The following SEC22A variants were observed in gnomAD, a reference collection of about 807,000 sequenced individuals.
SEC22A encodes SEC22 homolog A, vesicle trafficking protein.
A neutral mutation model predicts 35.3 loss-of-function variants in SEC22A; 22 were observed. The observed-to-expected ratio is 0.62, with a 90% CI of 0.45 to 0.89. SEC22A has a LOEUF of 0.89. SEC22A is among the 40% of genes least tolerant of loss of function. The pLI, the probability that SEC22A is intolerant of heterozygous loss-of-function variation, is 0.00. For missense variants in SEC22A, 354 were observed against 362.5 expected (o/e 0.98, Z 0.19); for synonymous variants, 119 against 129.5 (o/e 0.92, Z 0.55).
At chr3:123,218,522 T>C (rs1226510240) in intron 2 of SEC22A, among the ~76,000 whole-genome samples, 1 of 152,094 alleles carries the variant, frequency 6.6e-6, no homozygotes, top group Non-Finnish European at 1.5e-5. Flanking sequence ...GACAAGTCTT[T>C]GAGACCTGCA....
intron 4 of SEC22A, among the ~76,000 whole-genome samples, chr3:123,229,646 G>A (rs1937279822): frequency 6.6e-6 from 1 of 152,048 alleles, no homozygotes; most frequent in Admixed American, 6.5e-5. Context: ...GGCAGATCAC[G>A]AGGTCAGGAG....
At chr3:123,246,146 C>T in intron 5 of SEC22A, 132 bp downstream of exon 5, 1 of 559,850 alleles carries the variant, frequency 1.8e-6, no homozygotes, top group Non-Finnish European at 3.2e-6. Context: ...TTTATATCTG[C>T]TTTAGCCTCC....
chr3:123,226,066 A>G (rs1937213889), intron 4 of SEC22A, among the ~76,000 whole-genome samples: 1 of 152,162 alleles, frequency 6.6e-6, no homozygotes, highest in Non-Finnish European at 1.5e-5. Context: ...TCTGTTGTGT[A>G]TGTGTGCCAC....
At chr3:123,204,271 A>G (rs554834869) in intron 1 of SEC22A, among the ~76,000 whole-genome samples, 1 of 152,328 alleles carries the variant, frequency 6.6e-6, no homozygotes, top group South Asian at 2.1e-4. Flanking sequence ...AAAATAAAGG[A>G]CAAGAAAAGT....
At position 123,274,033 on chromosome 3, in the gene SEC22A, CTTTG is replaced by C. The variant is rs1010321816; in HGVS notation, c.*2315_*2318del. 29 of 152,124 alleles carry C rather than the reference CTTTG, an allele frequency of 1.9e-4. No homozygotes were observed. Among genetic ancestry groups the C allele is most frequent in the African/African-American group, 7.0e-4 (29 of 41,422 alleles). The allele number at this position is 152,124 out of a possible 1,614,324, so 9.4% of individuals were successfully genotyped here. A position where few individuals can be genotyped will look rare whatever the true frequency, so the allele number is the denominator to read the frequency against. On this transcript the variant is annotated 3_prime_UTR_variant, in exon 7 of 7. Coordinates refer to ENST00000492595, the MANE Select transcript of SEC22A (RefSeq NM_012430.5). ...CTCACCAACTATTTTTAAAGGCTTA[CTTTG>C]TTTTTGTTTTTATTTTTTCACTGGC...
chr3:123,235,520 A>T (rs962126196), intron 4 of SEC22A, among the ~76,000 whole-genome samples: 1 of 152,222 alleles, frequency 6.6e-6, no homozygotes, highest in Non-Finnish European at 1.5e-5. Context: ...AATTAAAAAG[A>T]TAGACAATAA....
At chr3:123,238,851 T>C (rs1937474465) in intron 4 of SEC22A, among the ~76,000 whole-genome samples, 1 of 152,206 alleles carries the variant, frequency 6.6e-6, no homozygotes, top group Non-Finnish European at 1.5e-5. Context: ...AAATGAAGGG[T>C]ACTGTGTTCT....
At chr3:123,210,290 G>C (rs920873361) in intron 2 of SEC22A, among the ~76,000 whole-genome samples, 1 of 152,180 alleles carries the variant, frequency 6.6e-6, no homozygotes, top group South Asian at 2.1e-4. Flanking sequence ...GGGTAGTAAT[G>C]AATAGAAGTA....
chr3:123,260,169 A>AAAAAC lies in SEC22A; in HGVS notation c.723+580_723+581insAAAAC, dbSNP rs1559763879. The stretch of plus-strand genomic sequence containing the variant: ...AAAAAAAAAAAAAAAAAAAAAAAAA[A>AAAAAC]CTACTAGATTTTCTGGTGGTTGATT... On this transcript the variant is annotated intron_variant, in intron 6 of 6. Transcript: ENST00000492595. Among the ~76,000 whole-genome samples the AAAAAC allele has an allele frequency of 1.4e-3, 156 of 114,836 alleles. 12 individuals carry two copies. The highest frequency in any genetic ancestry group is 4.9e-3 in the African/African-American group (141 of 28,756). 75.3% of individuals were successfully genotyped at this position (114,836 alleles called of 152,430 possible).
intron 4 of SEC22A, among the ~76,000 whole-genome samples, chr3:123,235,527 A>G (rs1937403823): frequency 1.3e-5 from 2 of 152,192 alleles, no homozygotes; most frequent in Admixed American, 6.5e-5. Flanking sequence ...AAGATAGACA[A>G]TAACAAGTGT....
chr3:123,230,005 C>T (rs553323156), intron 4 of SEC22A, among the ~76,000 whole-genome samples: 7 of 151,782 alleles, frequency 4.6e-5, no homozygotes, highest in Admixed American at 3.3e-4. Flanking sequence ...AGTAAAGGCC[C>T]GGTGTGGTGG....
chr3:123,236,720 C>T (rs975999753), intron 4 of SEC22A, among the ~76,000 whole-genome samples: 1 of 152,104 alleles, frequency 6.6e-6, no homozygotes. Flanking sequence ...ATGTCTACAA[C>T]AAGATTTTGA....
At chr3:123,253,725 A>AG (rs1177969958) in intron 5 of SEC22A, among the ~76,000 whole-genome samples, 26 of 151,676 alleles carry the variant, frequency 1.7e-4, no homozygotes, top group African/African-American at 6.0e-4. Context: ...AAAAAAAAAA[A>AG]AAAAGAAAGA....
intron 4 of SEC22A, 72 bp downstream of exon 4, chr3:123,225,369 A>G (rs552919569): frequency 2.2e-6 from 2 of 892,438 alleles, no homozygotes; most frequent in Non-Finnish European, 1.7e-6. Context: ...TTGAAAATGA[A>G]TTACTTTATT....
chr3:123,224,588 GA>G (rs1449498404), intron 3 of SEC22A, among the ~76,000 whole-genome samples: 1 of 152,120 alleles, frequency 6.6e-6, no homozygotes, highest in African/African-American at 2.4e-5. Context: ...TTAAGGCCAG[GA>G]GTTCGAGACC....
chr3:123,257,906 C>G (rs1237922992), intron 5 of SEC22A, among the ~76,000 whole-genome samples: 4 of 150,068 alleles, frequency 2.7e-5, no homozygotes, highest in African/African-American at 9.8e-5. Flanking sequence ...GCAGGAGAAT[C>G]GCTTGAACCT....
intron 6 of SEC22A, among the ~76,000 whole-genome samples, chr3:123,267,886 C>G (rs1055337430): frequency 6.6e-6 from 1 of 152,074 alleles, no homozygotes; most frequent in African/African-American, 2.4e-5. Flanking sequence ...GAGAAATGTT[C>G]TAGTTTTTTT....
At chr3:123,212,473 T>A (rs7642525) in intron 2 of SEC22A, among the ~76,000 whole-genome samples, 42,463 of 151,966 alleles carry the variant, frequency 0.28, 6,672 homozygotes, top group African/African-American at 0.42. Context: ...TATCAAAGTT[T>A]TAGGAGATTG....
intron 4 of SEC22A, among the ~76,000 whole-genome samples, chr3:123,245,672 A>T (rs192737407): frequency 6.6e-6 from 1 of 152,322 alleles, no homozygotes; most frequent in Non-Finnish European, 1.5e-5. Flanking sequence ...TGTCTCAAAA[A>T]AAAAGGAAAA....
Sources: allele counts gnomAD v4.1 joint callset (sites outside exome capture counted in the v4.1 genomes callset), GRCh38; gene constraint gnomAD v4.1.1; transcripts MANE v1.5; gene names NCBI Gene and HGNC (gene_info 2026-07-23, HGNC 2026-07-21).